LPP: variants seen among roughly 807,000 people sequenced by gnomAD.
LPP encodes the protein lipoma-preferred partner.
A neutral mutation model predicts 60.4 loss-of-function variants in LPP; 38 were observed. The observed-to-expected ratio is 0.63, with a 90% CI of 0.49 to 0.83. LPP has a LOEUF of 0.83. Ranked by LOEUF, LPP falls within the 40% of genes least tolerant of loss-of-function variation. The pLI, the probability that LPP is intolerant of heterozygous loss-of-function variation, is 0.00. For synonymous variants in LPP, 328 were observed against 290.8 expected (o/e 1.13, Z -1.30); for missense variants, 902 against 783.6 (o/e 1.15, Z -1.80).
chr3:188,170,495 T>C (rs927949998), intron 1 of LPP, among the ~76,000 whole-genome samples: 26 of 151,772 alleles, frequency 1.7e-4, no homozygotes, highest in African/African-American at 6.1e-4. Context: ...CATGCCCAGC[T>C]AATTTTTTTG....
At chr3:188,452,755 A>G (rs2149361613) in intron 4 of LPP, among the ~76,000 whole-genome samples, 1 of 152,308 alleles carries the variant, frequency 6.6e-6, no homozygotes, top group Middle Eastern at 3.4e-3. Context: ...ATATAAAGCA[A>G]GTAGTTCACA....
At chr3:188,279,335 A>C (rs1741120416) in intron 2 of LPP, among the ~76,000 whole-genome samples, 1 of 152,090 alleles carries the variant, frequency 6.6e-6, no homozygotes, top group Non-Finnish European at 1.5e-5. Context: ...AACAAAGGTA[A>C]CCTCTCAAGT....
intron 9 of LPP, among the ~76,000 whole-genome samples, chr3:188,849,705 C>G (rs1371657086): frequency 6.6e-6 from 1 of 151,872 alleles, no homozygotes; most frequent in African/African-American, 2.4e-5. Flanking sequence ...TTTGTTTTTT[C>G]CTCTCTAAAA....
chr3:188,418,294 C>T (rs1786874737), intron 4 of LPP, among the ~76,000 whole-genome samples: 1 of 152,078 alleles, frequency 6.6e-6, no homozygotes, highest in Non-Finnish European at 1.5e-5. Context: ...ATTACAATTA[C>T]TAAAACAACT....
At chr3:188,486,166 G>A (rs985426652) in intron 5 of LPP, among the ~76,000 whole-genome samples, 1 of 152,052 alleles carries the variant, frequency 6.6e-6, no homozygotes, top group Admixed American at 6.5e-5. Flanking sequence ...ATAATAAGAA[G>A]TGTAAAAGAG....
chr3:188,464,004 G>T (rs544447160), intron 4 of LPP, among the ~76,000 whole-genome samples: 2 of 152,194 alleles, frequency 1.3e-5, no homozygotes, highest in South Asian at 4.1e-4. Context: ...TTTGTAAGTC[G>T]ACTCAATACA....
At chr3:188,271,645 G>A (rs1737766686) in intron 2 of LPP, among the ~76,000 whole-genome samples, 1 of 152,208 alleles carries the variant, frequency 6.6e-6, no homozygotes, top group Non-Finnish European at 1.5e-5. Context: ...TATGGGTTCT[G>A]TAGTCTATTT....
chr3:188,728,992 A>G (rs1719431463), intron 8 of LPP, among the ~76,000 whole-genome samples: 1 of 152,146 alleles, frequency 6.6e-6, no homozygotes, highest in African/African-American at 2.4e-5. Flanking sequence ...CATGTGATAA[A>G]TGTTATAAAG....
At chr3:188,266,093 T>C (rs1735433262) in intron 2 of LPP, among the ~76,000 whole-genome samples, 2 of 152,066 alleles carry the variant, frequency 1.3e-5, no homozygotes, top group South Asian at 4.2e-4. Flanking sequence ...ATGTGAGATC[T>C]CTGAGCAGAC....
chr3:188,841,329 T>A (rs1759923954), intron 9 of LPP, among the ~76,000 whole-genome samples: 1 of 151,254 alleles, frequency 6.6e-6, no homozygotes. Flanking sequence ...TCCTGACAAC[T>A]TAAGACACTA....
chr3:188,201,505 G>C (rs1473578187), intron 1 of LPP, among the ~76,000 whole-genome samples: 2 of 152,056 alleles, frequency 1.3e-5, no homozygotes. Context: ...TCAGGAGTTC[G>C]AGACCAGCCT....
chr3:188,154,042 C>CCGGGGCG (rs1468752702), upstream of LPP: 2 of 157,110 alleles, frequency 1.3e-5, no homozygotes, highest in Admixed American at 6.6e-5. Flanking sequence ...GCTGCACGGC[C>CCGGGGCG]CGGGGCGCGG....
chr3:188,360,982 T>C (rs1038470872), intron 3 of LPP, among the ~76,000 whole-genome samples: 4 of 152,204 alleles, frequency 2.6e-5, no homozygotes, highest in Admixed American at 6.5e-5. Flanking sequence ...TAAATTATTG[T>C]TGATGTTTTC....
At chr3:188,156,855 C>CG (rs1046863407) in intron 1 of LPP, among the ~76,000 whole-genome samples, 8 of 150,864 alleles carry the variant, frequency 5.3e-5, no homozygotes, top group African/African-American at 1.7e-4. Context: ...CGCCCCACCC[C>CG]CCCAAGAAAA....
chr3:188,246,692 G>A (rs139893232), intron 2 of LPP, among the ~76,000 whole-genome samples: 4,308 of 152,212 alleles, frequency 0.028, 99 homozygotes, highest in Admixed American at 0.049. Context: ...CCTACCATCT[G>A]ACATAGATGA....
intron 6 of LPP, among the ~76,000 whole-genome samples, chr3:188,608,154 C>T (rs984959807): frequency 1.3e-5 from 2 of 152,126 alleles, no homozygotes; most frequent in African/African-American, 2.4e-5. Flanking sequence ...AGACAAGGTG[C>T]ACCCCTGTGT....
intron 2 of LPP, among the ~76,000 whole-genome samples, chr3:188,230,756 A>G (rs1293243792): frequency 6.6e-6 from 1 of 151,048 alleles, no homozygotes; most frequent in Non-Finnish European, 1.5e-5. Flanking sequence ...CTGGGCAACA[A>G]CAGCAAAACT....
chr3:188,276,071 G>C (rs917692575), intron 2 of LPP, among the ~76,000 whole-genome samples: 2 of 152,186 alleles, frequency 1.3e-5, no homozygotes, highest in African/African-American at 4.8e-5. Flanking sequence ...TTTAAAAAAT[G>C]ATTTGGCAAA....
chr3:188,470,356 G>A (rs1216749813), intron 4 of LPP, among the ~76,000 whole-genome samples: 1 of 150,280 alleles, frequency 6.7e-6, no homozygotes, highest in Admixed American at 6.6e-5. Context: ...TTTTGAAATT[G>A]GTAGTCACTC....
Sources: allele counts gnomAD v4.1 joint callset (sites outside exome capture counted in the v4.1 genomes callset), GRCh38; gene constraint gnomAD v4.1.1; transcripts MANE v1.5; gene names NCBI Gene and HGNC (gene_info 2026-07-23, HGNC 2026-07-21).